ERICH3: variants seen among roughly 807,000 people sequenced by gnomAD.
The protein encoded by ERICH3 is glutamate rich 3.
In ERICH3, 126 loss-of-function variants were observed where a neutral mutation model predicts 131.1. The ratio of observed to expected loss-of-function variants is 0.96; its 90% CI spans 0.83 to 1.11. The LOEUF is 1.11. Ranked by LOEUF, ERICH3 falls within the 50% of genes most tolerant of loss-of-function variation. ERICH3 has a pLI of 0.00. For synonymous variants in ERICH3, 695 were observed against 644.6 expected (o/e 1.08, Z -1.18); for missense variants, 2,050 against 1,810.7 (o/e 1.13, Z -2.40).
Position 74,570,199 on chromosome 1 carries a change from T to TA in ERICH3, c.*258dup, listed in dbSNP as rs1374490686. The TA allele has an allele frequency of 6.6e-6, 1 of 152,234 alleles. No homozygotes were observed. The highest frequency in any genetic ancestry group is 2.4e-5 in the African/African-American group (1 of 41,460). The allele number at this position is 152,234 out of a possible 1,614,324, so 9.4% of individuals were successfully genotyped here. ...AATAATGTTAGGTGTGTAGAATGTG[T>TA]AACAGCCTCACAAGTTTCTCCATGA... On this transcript the variant is annotated 3_prime_UTR_variant, in exon 15 of 15. Transcript: ENST00000326665.
intron 12 of ERICH3, among the ~76,000 whole-genome samples, chr1:74,585,786 G>C (rs188857887): frequency 1.5e-3 from 227 of 152,018 alleles, no homozygotes; most frequent in African/African-American, 5.2e-3. Flanking sequence ...ATTTTATGTG[G>C]AATTTTCTTA....
chr1:74,580,065 T>C (rs977571013), intron 12 of ERICH3, among the ~76,000 whole-genome samples: 9 of 152,074 alleles, frequency 5.9e-5, no homozygotes, highest in African/African-American at 2.2e-4. Context: ...GGAGACAGTA[T>C]TTAGATAGAT....
chr1:74,634,838 T>C, intron 6 of ERICH3: 1 of 590,478 alleles, frequency 1.7e-6, no homozygotes, highest in Non-Finnish European at 3.0e-6. Flanking sequence ...ATTCCCAAGA[T>C]GAGATGGGTG....
chr1:74,627,529 A>G (rs1199084643), intron 7 of ERICH3, among the ~76,000 whole-genome samples: 1 of 152,188 alleles, frequency 6.6e-6, no homozygotes, highest in Non-Finnish European at 1.5e-5. Flanking sequence ...TTAATAGAAC[A>G]GAGATTCTCA....
Position 74,572,182 on chromosome 1 carries a change from T to C in ERICH3, c.3528A>G (p.Glu1176=). The C allele has an allele frequency of 6.2e-7, 1 of 1,613,728 alleles. No individual in the cohort carries two copies. Among genetic ancestry groups the C allele is most frequent in the Non-Finnish European group, 8.5e-7 (1 of 1,179,626 alleles). ...SLENITALRK[E]GGGERLSEAR... ...CTTCACTCAGTCTTTCCCCTCCTCC[T>C]TCTTTCCTCAGAGCTGTTATGTTTT... Residue 1176 remains glutamate (E), a synonymous_variant, in exon 14 of 15, where the codon GAA becomes GAG. Transcript: ENST00000326665.
In ERICH3 at chr1:74,620,981, T is replaced by A. The variant is rs10493546; in HGVS notation, c.820-67A>T. The A allele has an allele frequency of 9.6e-6, 12 of 1,251,382 alleles. No individual in the cohort carries two copies. The Admixed American group carries it at 3.8e-4, about 39-fold the overall frequency. The allele number at this position is 1,251,382 out of a possible 1,614,324, so 77.5% of individuals were successfully genotyped here. On this transcript the variant is annotated intron_variant, in intron 7 of 14. Transcript: ENST00000326665. ...TCTAATGAGAGTTCTTACCTGACAT[T>A]GTAATATGAAGAATAAAGAAGGTTA...
At chr1:74,657,445 C>G (rs563334835) in intron 1 of ERICH3, among the ~76,000 whole-genome samples, 13 of 152,108 alleles carry the variant, frequency 8.5e-5, no homozygotes, top group African/African-American at 3.1e-4. Context: ...TCTCTACAGC[C>G]TGTCACTTTA....
chr1:74,646,844 GT>G, intron 2 of ERICH3, 52 bp from the exon 3 acceptor site: 1 of 1,086,288 alleles, frequency 9.2e-7, no homozygotes. Flanking sequence ...AAAATGTGGT[GT>G]TAGTTTCCAA....
chr1:74,598,155 T>C (rs1647944495), intron 11 of ERICH3, among the ~76,000 whole-genome samples: 1 of 152,044 alleles, frequency 6.6e-6, no homozygotes. Flanking sequence ...TTACCTATTA[T>C]TAAAATTATA....
chr1:74,650,270 A>G (rs1326786333), intron 1 of ERICH3, among the ~76,000 whole-genome samples: 1 of 152,200 alleles, frequency 6.6e-6, no homozygotes, highest in East Asian at 1.9e-4. Flanking sequence ...AAGAGTTAAA[A>G]GAGGATAAAT....
intron 6 of ERICH3, among the ~76,000 whole-genome samples, chr1:74,635,220 G>A (rs1211094007): frequency 6.6e-6 from 1 of 152,036 alleles, no homozygotes; most frequent in East Asian, 1.9e-4. Flanking sequence ...ATTGACATAA[G>A]ACTCAAGAAG....
chr1:74,650,835 TGTG>T (rs1456562757), intron 1 of ERICH3, among the ~76,000 whole-genome samples: 2 of 10,992 alleles, frequency 1.8e-4, no homozygotes, highest in African/African-American at 3.1e-3. Context: ...AGGGGACTAC[TGTG>T]TGTGTGTGTG....
intron 12 of ERICH3, among the ~76,000 whole-genome samples, chr1:74,587,250 G>C (rs1431967322): frequency 6.7e-6 from 1 of 149,702 alleles, no homozygotes; most frequent in African/African-American, 2.5e-5. Flanking sequence ...GCTTGAACCC[G>C]GGAGGCAGAG....
chr1:74,587,458 T>C (rs967983688), intron 12 of ERICH3, among the ~76,000 whole-genome samples: 1 of 151,504 alleles, frequency 6.6e-6, no homozygotes, highest in Admixed American at 6.6e-5. Flanking sequence ...GTCAAGACCA[T>C]AGGTTTCCCA....
At position 74,643,063 on chromosome 1, in the gene ERICH3, C is replaced by A; in HGVS notation, c.279G>T (p.Glu93Asp). ...YHQLEIKKKL[E>D]TLARKERIQR... ...GGATTCGCTCCTTCCTAGCTAAGGT[C>A]TCCAATTTCTTTTTTATTTCAAGCT... Residue 93 changes from glutamate (E) to aspartate (D), a missense_variant, in exon 4 of 15, where the codon GAG (glutamate) becomes GAT (aspartate). Transcript: ENST00000326665. The A allele has an allele frequency of 1.2e-6, 2 of 1,611,172 alleles. No individual in the cohort carries two copies. Among genetic ancestry groups the A allele is most frequent in the Non-Finnish European group, 1.7e-6 (2 of 1,178,350 alleles).
chr1:74,590,785 G>A (rs1235382851), intron 11 of ERICH3, among the ~76,000 whole-genome samples: 1 of 152,128 alleles, frequency 6.6e-6, no homozygotes, highest in Non-Finnish European at 1.5e-5. Context: ...TTAGGATAAG[G>A]AAAACCTATC....
At chr1:74,642,991 T>A in intron 4 of ERICH3, 36 bp downstream of exon 4, 3 of 1,407,584 alleles carry the variant, frequency 2.1e-6, no homozygotes, top group Non-Finnish European at 3.0e-6. Context: ...CATAAAATAA[T>A]ACTATGAAGT....
chr1:74,665,008 A>G (rs542547263), intron 1 of ERICH3, among the ~76,000 whole-genome samples: 1 of 152,156 alleles, frequency 6.6e-6, no homozygotes, highest in Admixed American at 6.5e-5. Context: ...CCCAAAATTC[A>G]TATGTTGAAA....
At chr1:74,607,053 A>T (rs1648435448) in intron 9 of ERICH3, 151 bp from the exon 10 acceptor site, 4 of 547,902 alleles carry the variant, frequency 7.3e-6, no homozygotes, top group Admixed American at 7.8e-5. Context: ...ATAAACAATT[A>T]AAAAAGCTAA....
Sources: gnomAD v4.1 joint callset for allele counts (sites outside exome capture counted in the v4.1 genomes callset) on GRCh38, gnomAD v4.1.1 for gene constraint, MANE v1.5 for transcripts, NCBI Gene and HGNC (gene_info 2026-07-23, HGNC 2026-07-21) for gene names.